SLC38A4: variants seen among roughly 807,000 people sequenced by gnomAD.
The protein encoded by SLC38A4 is solute carrier family 38 member 4.
In SLC38A4, 20 loss-of-function variants were observed where a neutral mutation model predicts 63.1. The observed-to-expected ratio is 0.32, with a 90% CI of 0.22 to 0.46. The LOEUF is 0.46. SLC38A4 is among the 20% of genes least tolerant of loss of function. The pLI is 1.00. For missense variants in SLC38A4, 526 were observed against 663.6 expected (o/e 0.79, Z 2.28); for synonymous variants, 230 against 225.5 (o/e 1.02, Z -0.18).
chr12:46,768,792 A>C (rs2120734725), intron 15 of SLC38A4, among the ~76,000 whole-genome samples: 1 of 152,214 alleles, frequency 6.6e-6, no homozygotes, highest in Admixed American at 6.6e-5. Flanking sequence ...ATTGTGTTTA[A>C]AGTTTAAGTA....
upstream of SLC38A4, among the ~76,000 whole-genome samples, chr12:46,829,736 A>G (rs1164915857): frequency 1.3e-5 from 2 of 152,228 alleles, no homozygotes; most frequent in Non-Finnish European, 2.9e-5. Context: ...AGTCTGTAAT[A>G]GAATAAGAAG....
chr12:46,778,992 A>T (rs1303920186), intron 10 of SLC38A4, among the ~76,000 whole-genome samples: 1 of 151,956 alleles, frequency 6.6e-6, no homozygotes, highest in Non-Finnish European at 1.5e-5. Context: ...TTAACAGGAC[A>T]ATATTTTGCA....
intron 1 of SLC38A4, among the ~76,000 whole-genome samples, chr12:46,808,297 A>G (rs1394934318): frequency 6.6e-6 from 1 of 152,154 alleles, no homozygotes; most frequent in African/African-American, 2.4e-5. Flanking sequence ...ATGACCCACA[A>G]GTTTTGAGGA....
In SLC38A4 at chr12:46,792,653, T is replaced by C. The variant is rs113596707; in HGVS notation, c.119+300A>G. On this transcript the variant is annotated intron_variant, in intron 3 of 16. Coordinates refer to ENST00000266579, the MANE Select transcript of SLC38A4 (RefSeq NM_018018.5). ...AAGAATCCCTACAGAAACCAGGAGG[T>C]GTAGCAACATTCAAAGAGGAATCTG... Among the ~76,000 whole-genome samples the C allele has an allele frequency of 8.6e-4, 130 of 151,948 alleles. 2 individuals carry two copies. The highest frequency in any genetic ancestry group is 3.0e-3 in the African/African-American group (125 of 41,422).
chr12:46,788,637 A>AC lies in SLC38A4; in HGVS notation c.120-20_120-19insG. ...AAATTGACTGAACACACACACACAC[A>AC]AATAAGAAAGTGAAAACATCTAAAT... On this transcript the variant is annotated intron_variant, in intron 3 of 16. Coordinates refer to ENST00000266579, the MANE Select transcript of SLC38A4 (RefSeq NM_018018.5). The AC allele has an allele frequency of 6.3e-7, 1 of 1,595,730 alleles. No individual in the cohort carries two copies. The highest frequency in any genetic ancestry group is 1.3e-5 in the African/African-American group (1 of 74,650).
upstream of SLC38A4, among the ~76,000 whole-genome samples, chr12:46,828,367 G>A (rs1350835268): frequency 1.3e-5 from 2 of 152,146 alleles, no homozygotes; most frequent in Non-Finnish European, 2.9e-5. Flanking sequence ...CGTCGCCCAG[G>A]CTGGAGTGCA....
chr12:46,778,145 AT>A, intron 12 of SLC38A4, 143 bp downstream of exon 12: 1 of 720,844 alleles, frequency 1.4e-6, no homozygotes, highest in South Asian at 1.8e-5. Flanking sequence ...CACCTTTCTG[AT>A]TAAAGCATGT....
At chr12:46,824,698 G>A (rs114222438) in intron 1 of SLC38A4, among the ~76,000 whole-genome samples, 137 of 152,330 alleles carry the variant, frequency 9.0e-4, no homozygotes, top group African/African-American at 3.2e-3. Flanking sequence ...TTATATAATA[G>A]TTTCAGAACG....
chr12:46,797,314 T>C (rs1398501542), intron 2 of SLC38A4, among the ~76,000 whole-genome samples: 1 of 152,120 alleles, frequency 6.6e-6, no homozygotes, highest in Non-Finnish European at 1.5e-5. Context: ...CTCTCACCAC[T>C]GAAGGTGAGC....
intron 1 of SLC38A4, among the ~76,000 whole-genome samples, chr12:46,812,336 A>C (rs1038594020): frequency 1.3e-5 from 2 of 151,986 alleles, no homozygotes; most frequent in African/African-American, 4.8e-5. Context: ...TTTCTGAGGA[A>C]TCCTGAGAGG....
chr12:46,799,573 G>C (rs1191102472), intron 2 of SLC38A4, among the ~76,000 whole-genome samples: 1 of 151,996 alleles, frequency 6.6e-6, no homozygotes, highest in Admixed American at 6.6e-5. Context: ...TTCCAGCCTG[G>C]GCAACGAAGA....
At chr12:46,781,066 A>AT (rs1565666242) in intron 7 of SLC38A4, among the ~76,000 whole-genome samples, 1 of 152,036 alleles carries the variant, frequency 6.6e-6, no homozygotes, top group Non-Finnish European at 1.5e-5. Flanking sequence ...AGTGATGATA[A>AT]TAATTCCCCA....
At chr12:46,785,249 A>G in intron 5 of SLC38A4, 72 bp from the exon 6 acceptor site, 2 of 1,181,872 alleles carry the variant, frequency 1.7e-6, no homozygotes, top group Admixed American at 1.8e-5. Context: ...AGATGTTACA[A>G]TAAAGGATCA....
At chr12:46,820,644 G>T (rs1177711368) in intron 1 of SLC38A4, among the ~76,000 whole-genome samples, 3 of 152,066 alleles carry the variant, frequency 2.0e-5, no homozygotes, top group Admixed American at 6.6e-5. Context: ...ACATAGGAGT[G>T]CAGGTATCGC....
intron 16 of SLC38A4, among the ~76,000 whole-genome samples, chr12:46,767,224 C>T (rs1008805371): frequency 1.8e-5 from 2 of 109,304 alleles, no homozygotes; most frequent in Admixed American, 1.0e-4. Context: ...GATGTTGCAA[C>T]AAAAAGTGTA....
intron 3 of SLC38A4, among the ~76,000 whole-genome samples, chr12:46,790,976 T>A (rs114150750): frequency 4.2e-4 from 64 of 152,276 alleles, no homozygotes; most frequent in African/African-American, 1.5e-3. Flanking sequence ...AAAAGGTAAG[T>A]CACTGTGAGT....
intron 3 of SLC38A4, among the ~76,000 whole-genome samples, chr12:46,790,389 T>C (rs1938859226): frequency 6.6e-6 from 1 of 152,150 alleles, no homozygotes. Context: ...AGTTGTTGCC[T>C]CTTTCCATTT....
At chr12:46,795,121 C>T (rs1938976082) in intron 2 of SLC38A4, among the ~76,000 whole-genome samples, 1 of 151,996 alleles carries the variant, frequency 6.6e-6, no homozygotes, top group Non-Finnish European at 1.5e-5. Flanking sequence ...GTTAGCCATT[C>T]TAGATCTGAA....
In SLC38A4 at chr12:46,766,082, T is replaced by C. The variant is rs1938292768; in HGVS notation, c.*619A>G. 1 of 190,750 alleles carries C rather than the reference T, an allele frequency of 5.2e-6. No individual in the cohort carries two copies. Among genetic ancestry groups the C allele is most frequent in the Non-Finnish European group, 1.1e-5 (1 of 91,258 alleles). 11.8% of individuals were successfully genotyped at this position (190,750 alleles called of 1,614,324 possible). ...AACATTTACAAAAATCTATTGAATA[T>C]AGAAGTCACAACTCAATGTCACAAA... On this transcript the variant is annotated 3_prime_UTR_variant, in exon 17 of 17. Coordinates refer to ENST00000266579, the MANE Select transcript of SLC38A4 (RefSeq NM_018018.5).
Sources: allele counts gnomAD v4.1 joint callset (sites outside exome capture counted in the v4.1 genomes callset), GRCh38; gene constraint gnomAD v4.1.1; transcripts MANE v1.5; gene names NCBI Gene and HGNC (gene_info 2026-07-23, HGNC 2026-07-21).